The following COL5A2 variants were observed in gnomAD, a reference collection of about 807,000 sequenced individuals.
The protein encoded by COL5A2 is collagen alpha-2(V) chain.
A neutral mutation model predicts 208.2 loss-of-function variants in COL5A2; 23 were observed. The observed-to-expected ratio is 0.11, with a 90% CI of 0.08 to 0.16. The LOEUF is 0.16. Among genes scored for constraint, COL5A2 ranks in the 10% least tolerant of loss-of-function variants. The pLI is 1.00. For synonymous variants in COL5A2, 625 were observed against 628.5 expected, an observed-to-expected ratio of 0.99 and a Z score of 0.08; for missense variants, 1,590 against 1,956.4, an observed-to-expected ratio of 0.81 and a Z score of 3.53.
chr2:189,073,598 G>A lies in COL5A2; in HGVS notation c.1105-1505C>T, dbSNP rs912018027. On this transcript the variant is annotated intron_variant, in intron 17 of 53. Transcript: ENST00000374866. ...CAAAGTTGAGAACCACTAATTTCAT[G>A]ATGAACAGATAAAGTTTACTACATG... Among the ~76,000 whole-genome samples, 5 of 152,110 alleles carry A rather than the reference G, an allele frequency of 3.3e-5. No individual in the cohort carries two copies. In the East Asian group the frequency reaches 9.7e-4, roughly 29 times the overall value.
chr2:189,419,421 T>C, the COL5A2 span, among the ~76,000 whole-genome samples: 2 of 152,140 alleles, frequency 1.3e-5, no homozygotes, highest in African/African-American at 4.8e-5. Flanking sequence ...CATCACAATA[T>C]TACAAAACAA....
intron 1 of COL5A2, among the ~76,000 whole-genome samples, chr2:189,208,751 T>C (rs1290693535): frequency 2.0e-5 from 3 of 152,244 alleles, no homozygotes; most frequent in Admixed American, 2.0e-4. Flanking sequence ...ACATTGGTTA[T>C]TGAGCTATTG....
chr2:189,154,936 T>C (rs1688215717), intron 1 of COL5A2, among the ~76,000 whole-genome samples: 1 of 152,168 alleles, frequency 6.6e-6, no homozygotes, highest in African/African-American at 2.4e-5. Flanking sequence ...ATGAGTACCT[T>C]GAAATAAAAT....
In COL5A2 at chr2:189,100,098, T is replaced by A. The variant is rs1285115475; in HGVS notation, c.369+9A>T. ...GGTACAAGGAAACAATGATTATACATATACTTACAACAGGCACTAATCCTG... is the reference window on the plus strand; with the variant it reads ...GGTACAAGGAAACAATGATTATACAAATACTTACAACAGGCACTAATCCTG... On this transcript the variant is annotated intron_variant, in intron 4 of 53. Transcript: ENST00000374866. The A allele has an allele frequency of 1.2e-6, 2 of 1,604,230 alleles. No individual in the cohort carries two copies. Among genetic ancestry groups the A allele is most frequent in the Non-Finnish European group, 1.7e-6 (2 of 1,171,350 alleles).
chr2:189,115,716 C>G (rs1687376047), intron 1 of COL5A2, among the ~76,000 whole-genome samples: 1 of 152,200 alleles, frequency 6.6e-6, no homozygotes, highest in Non-Finnish European at 1.5e-5. Context: ...CTGTGTTTAC[C>G]TCAGCAACCT....
chr2:189,394,387 G>A, the COL5A2 span, among the ~76,000 whole-genome samples: 1 of 152,222 alleles, frequency 6.6e-6, no homozygotes, highest in Non-Finnish European at 1.5e-5. Flanking sequence ...AATACCCAAT[G>A]TGATGGTATT....
At chr2:189,381,636 G>A in the COL5A2 span, among the ~76,000 whole-genome samples, 3 of 151,884 alleles carry the variant, frequency 2.0e-5, no homozygotes, top group African/African-American at 7.3e-5. Flanking sequence ...CACAAAAGAG[G>A]GTAGTAGGTA....
At chr2:189,254,968 A>G in the COL5A2 span, among the ~76,000 whole-genome samples, 1 of 152,336 alleles carries the variant, frequency 6.6e-6, no homozygotes, top group African/African-American at 2.4e-5. Context: ...ATATTTATTC[A>G]TCAGACACAC....
the COL5A2 span, among the ~76,000 whole-genome samples, chr2:189,249,606 T>C: frequency 6.6e-6 from 1 of 152,240 alleles, no homozygotes; most frequent in Non-Finnish European, 1.5e-5. Flanking sequence ...AATTATTTAA[T>C]TAAAGCATAA....
chr2:189,414,786 C>T, the COL5A2 span, among the ~76,000 whole-genome samples: 13 of 149,886 alleles, frequency 8.7e-5, no homozygotes, highest in Admixed American at 3.3e-4. Flanking sequence ...AGAATGTTTC[C>T]GTTCTAGAGT....
At chr2:189,213,136 C>T in intron 1 of COL5A2, among the ~76,000 whole-genome samples, 2 of 151,870 alleles carry the variant, frequency 1.3e-5, no homozygotes, top group Non-Finnish European at 2.9e-5. Context: ...GTGATCCATC[C>T]ACCTCAGCCT....
Position 189,064,661 on chromosome 2 carries a change from C to T in COL5A2, c.1618-6G>A, listed in dbSNP as rs1686107617. 7 of 1,599,606 alleles carry T rather than the reference C, an allele frequency of 4.4e-6. No individual in the cohort carries two copies. The highest frequency in any genetic ancestry group is 1.7e-5 in the Admixed American group (1 of 59,946). On this transcript the variant is annotated splice_polypyrimidine_tract_variant and splice_region_variant and intron_variant, in intron 24 of 53. Transcript: ENST00000374866. ...CCCCGTTCTCCTTGAGCACCCTGTACCGAGGCAAAGCAGATGCATGAAGAA... is the reference window on the plus strand; with the variant it reads ...CCCCGTTCTCCTTGAGCACCCTGTATCGAGGCAAAGCAGATGCATGAAGAA...
intron 1 of COL5A2, among the ~76,000 whole-genome samples, chr2:189,202,318 A>G (rs1342607986): frequency 6.6e-6 from 1 of 152,160 alleles, no homozygotes; most frequent in Non-Finnish European, 1.5e-5. Context: ...TGTAATTCAC[A>G]GAAAATGTGA....
At chr2:189,426,579 T>C in the COL5A2 span, among the ~76,000 whole-genome samples, 11 of 152,236 alleles carry the variant, frequency 7.2e-5, no homozygotes, top group Admixed American at 3.3e-4. Context: ...CTTGGGCACA[T>C]GTCATCAGGA....
At chr2:189,089,648 C>T (rs957532559) in intron 7 of COL5A2, among the ~76,000 whole-genome samples, 3 of 152,102 alleles carry the variant, frequency 2.0e-5, no homozygotes, top group African/African-American at 4.8e-5. Flanking sequence ...GCAAGACAAC[C>T]GGTGCCATGT....
the COL5A2 span, among the ~76,000 whole-genome samples, chr2:189,371,241 T>C: frequency 1.3e-5 from 2 of 152,172 alleles, no homozygotes; most frequent in African/African-American, 2.4e-5. Flanking sequence ...GTCAGCCAAA[T>C]AAACTTCTTT....
At chr2:189,051,200 A>C in intron 42 of COL5A2, 120 bp downstream of exon 42, 1 of 1,261,780 alleles carries the variant, frequency 7.9e-7, no homozygotes, top group Non-Finnish European at 1.1e-6. Flanking sequence ...AATGCACTTT[A>C]AAAATTTTAG....
the COL5A2 span, among the ~76,000 whole-genome samples, chr2:189,245,180 CTTATAAT>C: frequency 6.6e-6 from 1 of 152,120 alleles, no homozygotes; most frequent in East Asian, 1.9e-4. Flanking sequence ...AATAATGTTT[CTTATAAT>C]TTATAACAAT....
chr2:189,122,636 T>G (rs1195134127), intron 1 of COL5A2, among the ~76,000 whole-genome samples: 2 of 152,246 alleles, frequency 1.3e-5, no homozygotes, highest in Non-Finnish European at 1.5e-5. Context: ...TTTGTTTGCA[T>G]GTAAACTCTA....
Sources: allele counts gnomAD v4.1 joint callset (sites outside exome capture counted in the v4.1 genomes callset), GRCh38; gene constraint gnomAD v4.1.1; transcripts MANE v1.5; gene names NCBI Gene and HGNC (gene_info 2026-07-23, HGNC 2026-07-21).